Variants in COL7A1 observed in about 807,000 individuals in gnomAD.
COL7A1 encodes collagen alpha-1(VII) chain.
A neutral mutation model predicts 456.2 loss-of-function variants in COL7A1; 296 were observed. The observed-to-expected ratio is 0.65, with a 90% CI of 0.59 to 0.71. The LOEUF is 0.71. Ranked by LOEUF, COL7A1 falls within the 30% of genes least tolerant of loss-of-function variation. COL7A1 has a pLI of 0.00. For synonymous variants in COL7A1, 1,464 were observed against 1,525.9 expected (o/e 0.96, Z 0.95); for missense variants, 3,441 against 4,017.2 (o/e 0.86, Z 3.88).
At chr3:48,576,822 G>C (rs2044340067) in intron 67 of COL7A1, 51 bp from the exon 68 acceptor site, 1 of 1,613,900 alleles carries the variant, frequency 6.2e-7, no homozygotes, top group East Asian at 2.2e-5. Flanking sequence ...GAAAAGAGTG[G>C]AGTCATATTC....
Position 48,570,274 on chromosome 3 carries a change from C to T in COL7A1, c.7440+1G>A, listed in dbSNP as rs1575424399. ...TCGGCTGTGGAGTAAGACATACGTACCCGGATGCCTGGCTCCCCACGCTCG... is the reference window on the plus strand; with the variant it reads ...TCGGCTGTGGAGTAAGACATACGTATCCGGATGCCTGGCTCCCCACGCTCG... On this transcript the variant is annotated splice_donor_variant, in intron 98 of 118. Transcript: ENST00000681320. LOFTEE classifies it high-confidence loss of function. The surrounding 1 kb of genome is among the most constrained non-coding windows in gnomAD (Gnocchi z 5.5). 1 of 1,613,738 alleles carries T rather than the reference C, an allele frequency of 6.2e-7. No homozygotes were observed. The highest frequency in any genetic ancestry group is 2.2e-5 in the East Asian group (1 of 44,800).
Position 48,590,154 on chromosome 3 carries a change from C to A in COL7A1, c.2050+59G>T. 6.3e-7 allele frequency: 1 copy of A among 1,588,562 alleles called. No individual in the cohort carries two copies. Among genetic ancestry groups the A allele is most frequent in the South Asian group, 1.1e-5 (1 of 88,626 alleles). On this transcript the variant is annotated intron_variant, in intron 16 of 118. Coordinates refer to ENST00000681320, the MANE Select transcript of COL7A1 (RefSeq NM_000094.4). This position sits in a 1 kb window ranked among gnomAD's most constrained non-coding sequence, Gnocchi z 4.6. ...AGAAGCAAGGGTCTGCAAGGGAAGG[C>A]ATGGGGGTCTGAAAGAGCAATGGAG...
chr3:48,569,655 G>A lies in COL7A1; in HGVS notation c.7558-7C>T, dbSNP rs2043786430. The A allele has an allele frequency of 6.2e-7, 1 of 1,613,934 alleles. No homozygotes were observed. On this transcript the variant is annotated splice_region_variant and splice_polypyrimidine_tract_variant and intron_variant, in intron 101 of 118. Coordinates refer to ENST00000681320, the MANE Select transcript of COL7A1 (RefSeq NM_000094.4). The surrounding 1 kb of genome is among the most constrained non-coding windows in gnomAD (Gnocchi z 4.9). ...GGATCACAGCTGAGTCTCCCTGAGG[G>A]GGCAGGCAGGAATCAGAGGAGTCGG...
rs1446884975 is a variant in COL7A1, at chr3:48,566,230, G to T, written c.8407+37C>A. The T allele has an allele frequency of 6.3e-7, 1 of 1,583,234 alleles. No homozygotes were observed. Among genetic ancestry groups the T allele is most frequent in the Non-Finnish European group, 8.6e-7 (1 of 1,165,452 alleles). ...CTGCCTGCCCTTGCCTAGGGTGCTG[G>T]GGTGGAGTGGGAGACTGCGGGCTGG... On this transcript the variant is annotated intron_variant, in intron 114 of 118. Coordinates refer to ENST00000681320, the MANE Select transcript of COL7A1 (RefSeq NM_000094.4). The surrounding 1 kb of genome is among the most constrained non-coding windows in gnomAD (Gnocchi z 5.9).
Position 48,572,217 on chromosome 3 carries a change from G to T in COL7A1, c.6979-46C>A, listed in dbSNP as rs892386242. 3 of 1,613,864 alleles carry T rather than the reference G, an allele frequency of 1.9e-6. No homozygotes were observed. The East Asian group carries it at 6.7e-5, about 36-fold the overall frequency. On this transcript the variant is annotated intron_variant, in intron 90 of 118. Coordinates refer to ENST00000681320, the MANE Select transcript of COL7A1 (RefSeq NM_000094.4). This position sits in a 1 kb window ranked among gnomAD's most constrained non-coding sequence, Gnocchi z 4.6. Reference sequence around the variant, plus strand: ...GCAACACAGGCATCAGTCACAGAAAGATGAGACTCCGGAGGGAGGCATGGG... The same window carrying T: ...GCAACACAGGCATCAGTCACAGAAATATGAGACTCCGGAGGGAGGCATGGG...
chr3:48,583,909 A>C lies in COL7A1; in HGVS notation c.4269T>G (p.Pro1423=). Residue 1423 remains proline, a synonymous_variant, in exon 39 of 119, where the codon CCT becomes CCG. Coordinates refer to ENST00000681320, the MANE Select transcript of COL7A1 (RefSeq NM_000094.4). This position sits in a 1 kb window ranked among gnomAD's most constrained non-coding sequence, Gnocchi z 5.1. ...PGEGGIAPGE[P]GLPGLPGSPG... is the part of the protein sequence containing the mutation. ...CCTCAAGGCCCCTCACCGGCAGCCC[A>C]GGCTCCCCAGGAGCAATGCCACCTT... 1 of 1,613,840 alleles carries C rather than the reference A, an allele frequency of 6.2e-7. No individual in the cohort carries two copies. The highest frequency in any genetic ancestry group is 8.5e-7 in the Non-Finnish European group (1 of 1,179,936).
intron 18 of COL7A1, 126 bp from the exon 19 acceptor site, chr3:48,589,121 G>A: frequency 2.0e-6 from 3 of 1,523,660 alleles, no homozygotes; most frequent in South Asian, 1.2e-5. Context: ...AGGCAGCCCT[G>A]AGGAGGAGGA....
chr3:48,579,801 G>A lies in COL7A1; in HGVS notation c.5138C>T (p.Pro1713Leu). Reference sequence around the variant, plus strand: ...CCCTAATACCTTCTCTCTGGCTCCAGGTCCTGTGTCTACCTGTGGGGGGAA... The same window carrying A: ...CCCTAATACCTTCTCTCTGGCTCCAAGTCCTGTGTCTACCTGTGGGGGGAA... ...GPPGRLVDTG[P>L]GAREKGEPGD... Residue 1713 changes from proline (P) to leucine (L), a missense_variant, in exon 58 of 119, where the codon CCT becomes CTT. Physicochemically the swap from Pro to Leu is moderately conservative, Grantham distance 98. This residue lies in a region of COL7A1 where 2,084 missense variants were observed against 2,501.3 expected (regional missense o/e 0.83). Coordinates refer to ENST00000681320, the MANE Select transcript of COL7A1 (RefSeq NM_000094.4). The surrounding 1 kb of genome is among the most constrained non-coding windows in gnomAD (Gnocchi z 4.4). 3 of 1,614,044 alleles carry A rather than the reference G, an allele frequency of 1.9e-6. No homozygotes were observed. Among genetic ancestry groups the A allele is most frequent in the Non-Finnish European group, 2.5e-6 (3 of 1,180,004 alleles).
chr3:48,571,965 AGGCCAGGC>A lies in COL7A1; in HGVS notation c.7068+28_7068+35del. ...CCTTATGCCCGCCATCACACTCCTC[AGGCCAGGC>A]TCGCCCTTGCCTAGGCCCCGGACTC... On this transcript the variant is annotated intron_variant, in intron 92 of 118. Coordinates refer to ENST00000681320, the MANE Select transcript of COL7A1 (RefSeq NM_000094.4). The surrounding 1 kb of genome is among the most constrained non-coding windows in gnomAD (Gnocchi z 4.6). 6.2e-7 allele frequency: 1 copy of A among 1,608,016 alleles called. No individual in the cohort carries two copies. The highest frequency in any genetic ancestry group is 8.5e-7 in the Non-Finnish European group (1 of 1,177,690).
rs746447568 is a variant in COL7A1, at chr3:48,574,488, C to T, written c.6456G>A (p.Pro2152=). 1.5e-5 allele frequency: 24 copies of T among 1,613,986 alleles called. No homozygotes were observed. Among genetic ancestry groups the T allele is most frequent in the Middle Eastern group, 1.6e-4 (1 of 6,082 alleles). ...EPGPRGQDGN[P]GLPGERGMAG... ...GTGTGGCTGTTGGGCAAGGACTTAC[C>T]GGGTTGCCGTCCTGACCCCTCGGTC... is the stretch of plus-strand genomic sequence containing the variant. The change falls in exon 79 of 119, where the codon CCG becomes CCA. Residue 2152 remains proline, a splice_region_variant and synonymous_variant. Transcript: ENST00000681320. The surrounding 1 kb of genome is among the most constrained non-coding windows in gnomAD (Gnocchi z 5.0).
In COL7A1 at chr3:48,591,791, G is replaced by A. The variant is rs2107788930; in HGVS notation, c.1389C>T (p.Pro463=). Residue 463 remains proline, a synonymous_variant, in exon 12 of 119, where the codon CCC becomes CCT. Coordinates refer to ENST00000681320, the MANE Select transcript of COL7A1 (RefSeq NM_000094.4). The surrounding 1 kb of genome is among the most constrained non-coding windows in gnomAD (Gnocchi z 7.0). ...GLEPPQKVVL[P]SDVTRYQLDG... is the part of the protein sequence containing the mutation. ...CCAACTGGTAGCGGGTCACATCAGA[G>A]GGCAGTACCACCTTCTGCGGTGGCT... 6.2e-7 allele frequency: 1 copy of A among 1,614,196 alleles called. No individual in the cohort carries two copies. Among genetic ancestry groups the A allele is most frequent in the Non-Finnish European group, 8.5e-7 (1 of 1,180,030 alleles).
Position 48,580,250 on chromosome 3 carries a change from G to T in COL7A1, c.5097+50C>A. ...TGTGTGAAGGCACACTGGCAGCAGC[G>T]CCAGGGGACCCTCCATCCCTTCTGA... is the stretch of plus-strand genomic sequence containing the variant. On this transcript the variant is annotated intron_variant, in intron 56 of 118. Transcript: ENST00000681320. This position sits in a 1 kb window ranked among gnomAD's most constrained non-coding sequence, Gnocchi z 4.5. The T allele has an allele frequency of 6.3e-7, 1 of 1,596,656 alleles. No individual in the cohort carries two copies. Among genetic ancestry groups the T allele is most frequent in the Non-Finnish European group, 8.5e-7 (1 of 1,169,790 alleles).
rs1275884722 is a variant in COL7A1 at position 48,565,729 on chromosome 3, GAC to G, written c.8408-63_8408-62del. On this transcript the variant is annotated intron_variant, in intron 114 of 118. Transcript: ENST00000681320. This position sits in a 1 kb window ranked among gnomAD's most constrained non-coding sequence, Gnocchi z 4.5. ...AGAGAGAAGGATGGGAAGATGGAGAGACAGACAGAGACACACAGGCAGAGGGG... is the reference window on the plus strand; with the variant it reads ...AGAGAGAAGGATGGGAAGATGGAGAGAGACAGAGACACACAGGCAGAGGGG... 2 of 1,480,616 alleles carry G rather than the reference GAC, an allele frequency of 1.4e-6. No individual in the cohort carries two copies. Among genetic ancestry groups the G allele is most frequent in the Non-Finnish European group, 9.3e-7 (1 of 1,076,664 alleles). The allele number at this position is 1,480,616 out of a possible 1,614,324, so 91.7% of individuals were successfully genotyped here.
intron 65 of COL7A1, among the ~76,000 whole-genome samples, chr3:48,577,680 G>A (rs2044409779): frequency 6.6e-6 from 1 of 152,188 alleles, no homozygotes; most frequent in African/African-American, 2.4e-5. Flanking sequence ...GAAGTGTCTG[G>A]GTATCAACAT....
chr3:48,589,339 C>T lies in COL7A1; in HGVS notation c.2302G>A (p.Val768Ile), dbSNP rs1465610347. The stretch of plus-strand genomic sequence containing the variant: ...AGGGTCCACTCACCAGTCCTCACAA[C>T]CACAGAGGCAGGGGGCCCATCCACG... ...AGVDGPPASVVVRTAPEPVGR... is the reference protein window; with the variant it reads ...AGVDGPPASVIVRTAPEPVGR... Residue 768 changes from valine to isoleucine, a missense_variant, in exon 18 of 119, where the codon GTT (valine) becomes ATT (isoleucine). By Grantham distance (29) the Val-to-Ile change is conservative (BLOSUM62 3). This residue lies in a region of COL7A1 where 913 missense variants were observed against 1,088.2 expected (regional missense o/e 0.84). Coordinates refer to ENST00000681320, the MANE Select transcript of COL7A1 (RefSeq NM_000094.4). The T allele has an allele frequency of 5.0e-6, 8 of 1,612,784 alleles. No individual in the cohort carries two copies. In the African/African-American group the frequency reaches 1.1e-4, roughly 22 times the overall value.
In COL7A1 at chr3:48,594,692, G is replaced by A. The variant is rs2045950315; in HGVS notation, c.86-144C>T. On this transcript the variant is annotated intron_variant, in intron 2 of 118. Transcript: ENST00000681320. The surrounding 1 kb of genome is among the most constrained non-coding windows in gnomAD (Gnocchi z 5.5). Reference sequence around the variant, plus strand: ...AGGGCCGAATCGGCCTGAGCCTGAGGGCCTTGGAGGGAGTTGAGCTCGGTG... The same window carrying A: ...AGGGCCGAATCGGCCTGAGCCTGAGAGCCTTGGAGGGAGTTGAGCTCGGTG... 1.0e-6 allele frequency: 1 copy of A among 1,001,948 alleles called. No homozygotes were observed. Among genetic ancestry groups the A allele is most frequent in the South Asian group, 1.6e-5 (1 of 63,308 alleles). The allele number at this position is 1,001,948 out of a possible 1,614,324, so 62.1% of individuals were successfully genotyped here. A position where few individuals can be genotyped will look rare whatever the true frequency, so the allele number is the denominator to read the frequency against.
rs2045876745 is a variant in COL7A1 at position 48,593,743 on chromosome 3, C to T, written c.267-47G>A. On this transcript the variant is annotated intron_variant, in intron 3 of 118. Coordinates refer to ENST00000681320, the MANE Select transcript of COL7A1 (RefSeq NM_000094.4). The surrounding 1 kb of genome is among the most constrained non-coding windows in gnomAD (Gnocchi z 4.4). Reference sequence around the variant, plus strand: ...AACAGGCTAGGACTCAGGATCTCTTCTGGCCCTGGCCTTGAGGAGGCCTCT... The same window carrying T: ...AACAGGCTAGGACTCAGGATCTCTTTTGGCCCTGGCCTTGAGGAGGCCTCT... 1 of 1,613,112 alleles carries T rather than the reference C, an allele frequency of 6.2e-7. No individual in the cohort carries two copies. The highest frequency in any genetic ancestry group is 1.3e-5 in the African/African-American group (1 of 74,924).
In COL7A1 at chr3:48,578,575, C is replaced by T. The variant is rs1182568503; in HGVS notation, c.5425-60G>A. The T allele has an allele frequency of 6.9e-6, 11 of 1,582,892 alleles. No individual in the cohort carries two copies. The highest frequency in any genetic ancestry group is 8.7e-6 in the Non-Finnish European group (10 of 1,155,574). On this transcript the variant is annotated intron_variant, in intron 63 of 118. Transcript: ENST00000681320. This position sits in a 1 kb window ranked among gnomAD's most constrained non-coding sequence, Gnocchi z 4.7. Reference sequence around the variant, plus strand: ...CTGAGATATCCCTTGGGGCACACCCCATGGACTAAGAGGACCCCAAAAAGA... The same window carrying T: ...CTGAGATATCCCTTGGGGCACACCCTATGGACTAAGAGGACCCCAAAAAGA...
At position 48,572,825 on chromosome 3, in the gene COL7A1, G is replaced by C. The variant is rs200355091; in HGVS notation, c.6831+37C>G. 1 of 1,613,574 alleles carries C rather than the reference G, an allele frequency of 6.2e-7. No individual in the cohort carries two copies. The highest frequency in any genetic ancestry group is 1.7e-5 in the Admixed American group (1 of 60,000). On this transcript the variant is annotated intron_variant, in intron 87 of 118. Coordinates refer to ENST00000681320, the MANE Select transcript of COL7A1 (RefSeq NM_000094.4). The surrounding 1 kb of genome is among the most constrained non-coding windows in gnomAD (Gnocchi z 4.6). ...CCTCATATTTCAGGCCCACAGCTGG[G>C]CACCACACCCTAGCGAGCTGCCCCC...
Sources: gnomAD v4.1 joint callset for allele counts (sites outside exome capture counted in the v4.1 genomes callset) on GRCh38, gnomAD v4.1.1 for gene constraint, gnomAD v4.1.1 regional missense constraint, Gnocchi (gnomAD v3.1) non-coding constraint, MANE v1.5 for transcripts, NCBI Gene and HGNC (gene_info 2026-07-23, HGNC 2026-07-21) for gene names.